The following SRP54 variants were observed in gnomAD, a reference collection of about 807,000 sequenced individuals.
The protein encoded by SRP54 is signal recognition particle 54.
In SRP54, 10 loss-of-function variants were observed where a neutral mutation model predicts 64.8. The ratio of observed to expected loss-of-function variants is 0.15; its 90% CI spans 0.10 to 0.26. The LOEUF (loss-of-function observed/expected upper bound fraction) is 0.26, where lower values mean the gene tolerates loss of function less well. Among genes scored for constraint, SRP54 ranks in the 10% least tolerant of loss-of-function variants. The pLI, the probability that SRP54 is intolerant of heterozygous loss-of-function variation, is 1.00. For synonymous variants in SRP54, 193 were observed against 185.6 expected, an observed-to-expected ratio of 1.04 and a Z score of -0.32; for missense variants, 325 against 613.7, an observed-to-expected ratio of 0.53 and a Z score of 4.97.
rs2044588056 is a variant in SRP54 at position 35,024,464 on chromosome 14, T to C, written c.1327+1384T>C. ...TCATGTTCCCTGTCCAGTTCTTCCA[T>C]TTTTCCCCCTTATATCTTTGTAATA... On this transcript the variant is annotated intron_variant, in intron 14 of 15. Transcript: ENST00000216774. 2.0e-5 allele frequency among the ~76,000 whole-genome samples: 3 copies of C among 152,188 alleles called. No individual in the cohort carries two copies. In the South Asian group the frequency reaches 6.2e-4, roughly 31 times the overall value.
chr14:34,989,196 A>G (rs982061245), intron 1 of SRP54, among the ~76,000 whole-genome samples: 1 of 152,296 alleles, frequency 6.6e-6, no homozygotes, highest in Non-Finnish European at 1.5e-5. Flanking sequence ...AGTCATTGAC[A>G]AGGACTTAGA....
chr14:34,999,420 A>C (rs955676887), intron 2 of SRP54, 138 bp from the exon 3 acceptor site: 3 of 538,130 alleles, frequency 5.6e-6, no homozygotes, highest in Admixed American at 3.2e-5. Flanking sequence ...TAATAAAATT[A>C]TCTCTCCAAG....
At chr14:35,021,692 G>T (rs1446802966) in intron 13 of SRP54, among the ~76,000 whole-genome samples, 1 of 152,046 alleles carries the variant, frequency 6.6e-6, no homozygotes, top group African/African-American at 2.4e-5. Context: ...ACATATACAT[G>T]AATAGGAATG....
At position 35,008,641 on chromosome 14, in the gene SRP54, C is replaced by T. The variant is rs527550341; in HGVS notation, c.375C>T (p.Tyr125=). Residue 125 remains tyrosine (Y), a synonymous_variant, in exon 6 of 16, where the codon TAC becomes TAT. Coordinates refer to ENST00000216774, the MANE Select transcript of SRP54 (RefSeq NM_003136.4). ...TTCTCACCCAGCTAGCATATTATTA[C>T]CAGAGGAAAGGTTGGAAGACCTGTT... is the stretch of plus-strand genomic sequence containing the variant. The part of the protein sequence containing the change: ...TTTCSKLAYY[Y]QRKGWKTCLI... 6.3e-7 allele frequency: 1 copy of T among 1,578,098 alleles called. No individual in the cohort carries two copies. Among genetic ancestry groups the T allele is most frequent in the East Asian group, 2.3e-5 (1 of 43,804 alleles).
chr14:35,020,530 TC>T (rs1280457288), intron 13 of SRP54, among the ~76,000 whole-genome samples: 1 of 152,260 alleles, frequency 6.6e-6, no homozygotes, highest in African/African-American at 2.4e-5. Flanking sequence ...TATGTAATAT[TC>T]TAACAATTTG....
intron 1 of SRP54, among the ~76,000 whole-genome samples, chr14:34,986,579 G>A (rs1566639555): frequency 6.6e-6 from 1 of 152,130 alleles, no homozygotes; most frequent in Non-Finnish European, 1.5e-5. Flanking sequence ...ATTAGAAAAA[G>A]ATATAAGAAA....
intron 3 of SRP54, 21 bp downstream of exon 3, chr14:34,999,670 A>G (rs1400237471): frequency 6.5e-7 from 1 of 1,542,378 alleles, no homozygotes; most frequent in South Asian, 1.1e-5. Flanking sequence ...TCAATCAGGT[A>G]AAACACAGGC....
chr14:35,026,302 A>G (rs1173681895), intron 14 of SRP54, among the ~76,000 whole-genome samples: 3 of 151,956 alleles, frequency 2.0e-5, no homozygotes, highest in Non-Finnish European at 2.9e-5. Flanking sequence ...ATCATGGCTC[A>G]CTGCAGCCTT....
chr14:35,015,648 G>A (rs555649033), intron 11 of SRP54, among the ~76,000 whole-genome samples: 1 of 152,058 alleles, frequency 6.6e-6, no homozygotes, highest in Admixed American at 6.6e-5. Context: ...GATTGCATTC[G>A]CTGATGCATG....
In SRP54 at chr14:35,007,401, A is replaced by C. The variant is rs2044273655; in HGVS notation, c.360+14A>C. ...ACATGTTCAAAGGTAAATTGAACTT[A>C]ATTTAAAAAGAAGTCATATGGAAGA... On this transcript the variant is annotated intron_variant, in intron 5 of 15. Coordinates refer to ENST00000216774, the MANE Select transcript of SRP54 (RefSeq NM_003136.4). The C allele has an allele frequency of 7.2e-6, 11 of 1,527,642 alleles. No individual in the cohort carries two copies. Among genetic ancestry groups the C allele is most frequent in the Non-Finnish European group, 9.8e-6 (11 of 1,123,784 alleles). 94.6% of individuals were successfully genotyped at this position (1,527,642 alleles called of 1,614,324 possible).
intron 4 of SRP54, among the ~76,000 whole-genome samples, chr14:35,002,443 C>CTT (rs754182261): frequency 1.7e-4 from 25 of 144,710 alleles, no homozygotes; most frequent in Admixed American, 4.9e-4. Flanking sequence ...TGAATATTTT[C>CTT]TTTTTTTTTT....
chr14:35,001,981 G>A (rs1314009006), intron 4 of SRP54, among the ~76,000 whole-genome samples: 1 of 151,820 alleles, frequency 6.6e-6, no homozygotes, highest in Non-Finnish European at 1.5e-5. Flanking sequence ...TGGGAGGATT[G>A]CTTGAGGCCA....
chr14:35,023,787 AACACACACAC>A lies in SRP54; in HGVS notation c.1327+734_1327+743del, dbSNP rs57037784. Among the ~76,000 whole-genome samples, 1,080 of 140,364 alleles carry A rather than the reference AACACACACAC, an allele frequency of 7.7e-3. 15 individuals carry two copies. The highest frequency in any genetic ancestry group is 0.027 in the African/African-American group (1,018 of 37,652). The allele number at this position is 140,364 out of a possible 152,430, so 92.1% of individuals were successfully genotyped here. On this transcript the variant is annotated intron_variant, in intron 14 of 15. Coordinates refer to ENST00000216774, the MANE Select transcript of SRP54 (RefSeq NM_003136.4). ...CAGCAGAGTGAGACTCCGGTCCCCAAACACACACACACACACACACACACACACACACACA... is the reference window on the plus strand; with the variant it reads ...CAGCAGAGTGAGACTCCGGTCCCCAAACACACACACACACACACACACACA...
At chr14:35,005,803 A>G (rs1367117860) in intron 4 of SRP54, among the ~76,000 whole-genome samples, 1 of 151,684 alleles carries the variant, frequency 6.6e-6, no homozygotes, top group Non-Finnish European at 1.5e-5. Context: ...CAAACAACTG[A>G]CCCCCAAGTG....
intron 4 of SRP54, among the ~76,000 whole-genome samples, chr14:35,001,605 G>A (rs890428779): frequency 5.3e-5 from 8 of 152,050 alleles, no homozygotes; most frequent in South Asian, 4.1e-4. Flanking sequence ...GTTTTTCCTC[G>A]TTCACTATCA....
intron 14 of SRP54, among the ~76,000 whole-genome samples, chr14:35,027,442 C>T (rs534214807): frequency 7.2e-4 from 110 of 152,226 alleles, no homozygotes; most frequent in Non-Finnish European, 1.1e-3. Context: ...ACTATTAAGC[C>T]GTTGTTATAG....
In SRP54 at chr14:35,008,647, G is replaced by T; in HGVS notation, c.381G>T (p.Arg127Ser). 6.3e-7 allele frequency: 1 copy of T among 1,585,974 alleles called. No individual in the cohort carries two copies. The highest frequency in any genetic ancestry group is 8.6e-7 in the Non-Finnish European group (1 of 1,166,074). The part of the protein sequence containing the change: ...TCSKLAYYYQ[R>S]KGWKTCLICA... ...CCCAGCTAGCATATTATTACCAGAG[G>T]AAAGGTTGGAAGACCTGTTTAATAT... is the stretch of plus-strand genomic sequence containing the variant. Residue 127 changes from arginine (R) to serine (S), a missense_variant, in exon 6 of 16, where the codon AGG becomes AGT. By Grantham distance (110) the Arg-to-Ser change is moderately radical. Transcript: ENST00000216774.
rs1278502913 is a variant in SRP54 at position 35,008,637 on chromosome 14, A to G, written c.371A>G (p.Tyr124Cys). 2 of 1,580,068 alleles carry G rather than the reference A, an allele frequency of 1.3e-6. No individual in the cohort carries two copies. Among genetic ancestry groups the G allele is most frequent in the South Asian group, 2.4e-5 (2 of 82,916 alleles). Reference sequence around the variant, plus strand: ...TCTTTTCTCACCCAGCTAGCATATTATTACCAGAGGAAAGGTTGGAAGACC... The same window carrying G: ...TCTTTTCTCACCCAGCTAGCATATTGTTACCAGAGGAAAGGTTGGAAGACC... Reference protein sequence around the residue: ...KTTTCSKLAYYYQRKGWKTCL... With the variant: ...KTTTCSKLAYCYQRKGWKTCL... Residue 124 changes from tyrosine (Y) to cysteine (C), a missense_variant, in exon 6 of 16, where the codon TAT becomes TGT. By Grantham distance (194) the Tyr-to-Cys change is radical. Around this residue, in one of 3 missense-constraint regions of SRP54, gnomAD observed 156 missense variants for 254.6 expected, o/e 0.61. Coordinates refer to ENST00000216774, the MANE Select transcript of SRP54 (RefSeq NM_003136.4).
At chr14:35,018,643 G>A in intron 11 of SRP54, 49 bp from the exon 12 acceptor site, 3 of 1,438,074 alleles carry the variant, frequency 2.1e-6, no homozygotes, top group South Asian at 1.2e-5. Flanking sequence ...TTTGTTGAAT[G>A]GAAATGTACA....
Sources: gnomAD v4.1 joint callset for allele counts (sites outside exome capture counted in the v4.1 genomes callset) on GRCh38, gnomAD v4.1.1 for gene constraint, gnomAD v4.1.1 regional missense constraint, MANE v1.5 for transcripts, NCBI Gene and HGNC (gene_info 2026-07-23, HGNC 2026-07-21) for gene names.